Variants in DDIT4 observed in about 807,000 individuals in gnomAD.
The protein encoded by DDIT4 is DNA damage inducible transcript 4, also known as DNA damage-inducible transcript 4 protein.
In DDIT4, 20 loss-of-function variants were observed where a neutral mutation model predicts 20.2. That is an observed-to-expected ratio of 0.99 (90% CI 0.70 to 1.44). The LOEUF (loss-of-function observed/expected upper bound fraction) is 1.44. Ranked by LOEUF, DDIT4 falls within the 40% of genes most tolerant of loss-of-function variation. The pLI, the probability that DDIT4 is intolerant of heterozygous loss-of-function variation, is 0.00. For synonymous variants in DDIT4, 152 were observed against 144.6 expected, an observed-to-expected ratio of 1.05 and a Z score of -0.37; for missense variants, 316 against 298.1, an observed-to-expected ratio of 1.06 and a Z score of -0.44.
rs1209745769 is a variant in DDIT4, at chr10:72,273,937, G to A, written c.-184G>A. 1 of 517,250 alleles carries A rather than the reference G, an allele frequency of 1.9e-6. No individual in the cohort carries two copies. Among genetic ancestry groups the A allele is most frequent in the Non-Finnish European group, 3.5e-6 (1 of 286,780 alleles). 32.0% of individuals were successfully genotyped at this position (517,250 alleles called of 1,614,324 possible). ...TGGTGCTAGGGCGCAGCAGGCCAAG[G>A]GGGAGGTGCGAGCGTGGACCTGGGA... On this transcript the variant is annotated 5_prime_UTR_variant, in exon 1 of 3. Transcript: ENST00000307365.
Position 72,274,154 on chromosome 10 carries a change from C to CA in DDIT4, c.-60-2dup. 7.4e-7 allele frequency: 1 copy of CA among 1,354,488 alleles called. No homozygotes were observed. The highest frequency in any genetic ancestry group is 1.2e-5 in the South Asian group (1 of 86,034). The allele number at this position is 1,354,488 out of a possible 1,614,324, so 83.9% of individuals were successfully genotyped here. A position where few individuals can be genotyped will look rare whatever the true frequency, so the allele number is the denominator to read the frequency against. ...CCTGGTCGGTCCCCCTCTTGTCTTA[C>CA]AGCGGCTTCTACGCTCCGGCACTCT... On this transcript the variant is annotated splice_region_variant and splice_polypyrimidine_tract_variant and intron_variant, in intron 1 of 2. Coordinates refer to ENST00000307365, the MANE Select transcript of DDIT4 (RefSeq NM_019058.4).
At position 72,274,809 on chromosome 10, in the gene DDIT4, C is replaced by T. The variant is rs781066558; in HGVS notation, c.320C>T (p.Ala107Val). Residue 107 changes from alanine (A) to valine (V), a missense_variant, in exon 3 of 3, where the codon GCG (alanine) becomes GTG (valine). By Grantham distance (64) the Ala-to-Val change is moderately conservative (BLOSUM62 0). Transcript: ENST00000307365. ...CTGCTGCAGGAGAGCCTGGCCCAGG[C>T]GCGGCTGGGCTCTCGACGCCCTGCG... is the stretch of plus-strand genomic sequence containing the variant. ...MQLLQESLAQ[A>V]RLGSRRPARL... The T allele has an allele frequency of 1.1e-5, 18 of 1,613,684 alleles. No homozygotes were observed. In the South Asian group the frequency reaches 1.8e-4, roughly 16 times the overall value.
chr10:72,274,235 C>G lies in DDIT4; in HGVS notation c.19C>G (p.Arg7Gly). 2 of 1,613,654 alleles carry G rather than the reference C, an allele frequency of 1.2e-6. No homozygotes were observed. Among genetic ancestry groups the G allele is most frequent in the Non-Finnish European group, 1.7e-6 (2 of 1,179,822 alleles). The change falls in exon 2 of 3, where the codon CGC (arginine) becomes GGC (glycine). Residue 7 changes from arginine to glycine, a missense_variant. Transcript: ENST00000307365. MPSLWDRFSSSSTSSSP... is the reference protein window; with the variant it reads MPSLWDGFSSSSTSSSP... ...CCTCACCATGCCTAGCCTTTGGGAC[C>G]GCTTCTCGTCGTCGTCCACCTCCTC...
rs1159803783 is a variant in DDIT4 at position 72,274,144 on chromosome 10, T to G, written c.-60-13T>G. 1 of 1,264,344 alleles carries G rather than the reference T, an allele frequency of 7.9e-7. No individual in the cohort carries two copies. Among genetic ancestry groups the G allele is most frequent in the African/African-American group, 1.5e-5 (1 of 68,118 alleles). The allele number at this position is 1,264,344 out of a possible 1,614,324, so 78.3% of individuals were successfully genotyped here. A position where few individuals can be genotyped will look rare whatever the true frequency, so the allele number is the denominator to read the frequency against. On this transcript the variant is annotated splice_polypyrimidine_tract_variant and intron_variant, in intron 1 of 2. Transcript: ENST00000307365. ...CAGACTGACGCCTGGTCGGTCCCCC[T>G]CTTGTCTTACAGCGGCTTCTACGCT...
Position 72,274,150 on chromosome 10 carries a change from C to T in DDIT4, c.-60-7C>T, listed in dbSNP as rs976422003. On this transcript the variant is annotated splice_region_variant and splice_polypyrimidine_tract_variant and intron_variant, in intron 1 of 2. Coordinates refer to ENST00000307365, the MANE Select transcript of DDIT4 (RefSeq NM_019058.4). Reference sequence around the variant, plus strand: ...GACGCCTGGTCGGTCCCCCTCTTGTCTTACAGCGGCTTCTACGCTCCGGCA... The same window carrying T: ...GACGCCTGGTCGGTCCCCCTCTTGTTTTACAGCGGCTTCTACGCTCCGGCA... The T allele has an allele frequency of 3.8e-6, 5 of 1,328,860 alleles. No individual in the cohort carries two copies. Among genetic ancestry groups the T allele is most frequent in the Middle Eastern group, 1.8e-4 (1 of 5,560 alleles). The allele number at this position is 1,328,860 out of a possible 1,614,324, so 82.3% of individuals were successfully genotyped here.
chr10:72,274,787 C>G lies in DDIT4; in HGVS notation c.298C>G (p.Leu100Val). 1 of 1,614,032 alleles carries G rather than the reference C, an allele frequency of 6.2e-7. No homozygotes were observed. Among genetic ancestry groups the G allele is most frequent in the Non-Finnish European group, 8.5e-7 (1 of 1,180,054 alleles). The change falls in exon 3 of 3, where the codon CTG becomes GTG. Residue 100 changes from leucine (L) to valine (V), a missense_variant. Coordinates refer to ENST00000307365, the MANE Select transcript of DDIT4 (RefSeq NM_019058.4). ...EHLCANLMQLLQESLAQARLG... is the reference protein window; with the variant it reads ...EHLCANLMQLVQESLAQARLG... ...CTTGTGTGCCAACCTGATGCAGCTG[C>G]TGCAGGAGAGCCTGGCCCAGGCGCG...
Position 72,274,015 on chromosome 10 carries a change from G to A in DDIT4, c.-106G>A. 1 of 599,804 alleles carries A rather than the reference G, an allele frequency of 1.7e-6. No homozygotes were observed. Among genetic ancestry groups the A allele is most frequent in the East Asian group, 2.8e-5 (1 of 35,506 alleles). 37.2% of individuals were successfully genotyped at this position (599,804 alleles called of 1,614,324 possible). A position where few individuals can be genotyped will look rare whatever the true frequency, so the allele number is the denominator to read the frequency against. ...CACGGGTTCGCACACCCATTCAAGC[G>A]GCAGGACGCACTTGTCTTAGCAGTT... On this transcript the variant is annotated 5_prime_UTR_variant, in exon 1 of 3. Transcript: ENST00000307365.
Position 72,273,949 on chromosome 10 carries a change from G to C in DDIT4, c.-172G>C, listed in dbSNP as rs574234820. On this transcript the variant is annotated 5_prime_UTR_variant, in exon 1 of 3. Transcript: ENST00000307365. Reference sequence around the variant, plus strand: ...GCAGCAGGCCAAGGGGGAGGTGCGAGCGTGGACCTGGGACGGGTCTGGGCG... The same window carrying C: ...GCAGCAGGCCAAGGGGGAGGTGCGACCGTGGACCTGGGACGGGTCTGGGCG... 1.9e-6 allele frequency: 1 copy of C among 531,628 alleles called. No homozygotes were observed. Among genetic ancestry groups the C allele is most frequent in the East Asian group, 3.4e-5 (1 of 29,304 alleles). 32.9% of individuals were successfully genotyped at this position (531,628 alleles called of 1,614,324 possible). A position where few individuals can be genotyped will look rare whatever the true frequency, so the allele number is the denominator to read the frequency against.
In DDIT4 at chr10:72,275,648, G is replaced by A; in HGVS notation, c.*460G>A. On this transcript the variant is annotated 3_prime_UTR_variant, in exon 3 of 3. Coordinates refer to ENST00000307365, the MANE Select transcript of DDIT4 (RefSeq NM_019058.4). ...TATCTTACTGGTCTGAAGGGACCAA[G>A]TGTGTTTGTTGTTTGTTTTGTATCT... The A allele has an allele frequency of 5.9e-6, 1 of 168,070 alleles. No individual in the cohort carries two copies. Among genetic ancestry groups the A allele is most frequent in the Non-Finnish European group, 1.3e-5 (1 of 76,746 alleles). 10.4% of individuals were successfully genotyped at this position (168,070 alleles called of 1,614,324 possible). A position where few individuals can be genotyped will look rare whatever the true frequency, so the allele number is the denominator to read the frequency against.
In DDIT4 at chr10:72,274,175, ACT is replaced by A; in HGVS notation, c.-39_-38del. Reference sequence around the variant, plus strand: ...CTTACAGCGGCTTCTACGCTCCGGCACTCTGAGTTCATCAGCAAACGCCCTGG... The same window carrying A: ...CTTACAGCGGCTTCTACGCTCCGGCACTGAGTTCATCAGCAAACGCCCTGG... On this transcript the variant is annotated 5_prime_UTR_variant, in exon 2 of 3. Coordinates refer to ENST00000307365, the MANE Select transcript of DDIT4 (RefSeq NM_019058.4). The A allele has an allele frequency of 6.6e-7, 1 of 1,505,746 alleles. No homozygotes were observed. Among genetic ancestry groups the A allele is most frequent in the South Asian group, 1.1e-5 (1 of 88,984 alleles). The allele number at this position is 1,505,746 out of a possible 1,614,324, so 93.3% of individuals were successfully genotyped here.
Position 72,274,748 on chromosome 10 carries a change from C to G in DDIT4, c.259C>G (p.Pro87Ala). The change falls in exon 3 of 3, where the codon CCT (proline) becomes GCT (alanine). Residue 87 changes from proline to alanine, a missense_variant. Pro to Ala is a conservative substitution (Grantham distance 27). Coordinates refer to ENST00000307365, the MANE Select transcript of DDIT4 (RefSeq NM_019058.4). ...GCCCGACTTCGAGCTGCTCAGTGAC[C>G]CTGAGGATGAACACTTGTGTGCCAA... ...SLPDFELLSDPEDEHLCANLM... is the reference protein window; with the variant it reads ...SLPDFELLSDAEDEHLCANLM... 1.2e-6 allele frequency: 2 copies of G among 1,614,040 alleles called. No individual in the cohort carries two copies. Among genetic ancestry groups the G allele is most frequent in the Non-Finnish European group, 1.7e-6 (2 of 1,179,976 alleles).
Position 72,274,000 on chromosome 10 carries a change from C to CCGTATCATTAAAA in DDIT4, c.-121_-120insCGTATCATTAAAA. ...GCTCTCGGTGGTTGGCACGGGTTCG[C>CCGTATCATTAAAA]ACACCCATTCAAGCGGCAGGACGCA... On this transcript the variant is annotated 5_prime_UTR_variant, in exon 1 of 3. Transcript: ENST00000307365. 4.2e-6 allele frequency: 2 copies of CCGTATCATTAAAA among 479,094 alleles called. No individual in the cohort carries two copies. The highest frequency in any genetic ancestry group is 3.1e-5 in the South Asian group (1 of 31,792). The allele number at this position is 479,094 out of a possible 1,614,324, so 29.7% of individuals were successfully genotyped here.
chr10:72,274,517 C>T (rs989153533), intron 2 of DDIT4, 96 bp downstream of exon 2: 43 of 1,417,472 alleles, frequency 3.0e-5, no homozygotes, highest in Non-Finnish European at 4.0e-5. Flanking sequence ...GCTTCCTATC[C>T]CATCGGGACC....
In DDIT4 at chr10:72,275,617, T is replaced by C. The variant is rs553357444; in HGVS notation, c.*429T>C. ...GGGAGGTCGGAGGTCGTGGAGGTGG[T>C]TTGTGTATCTTACTGGTCTGAAGGG... is the stretch of plus-strand genomic sequence containing the variant. On this transcript the variant is annotated 3_prime_UTR_variant, in exon 3 of 3. Transcript: ENST00000307365. The C allele has an allele frequency of 1.0e-5, 2 of 191,846 alleles. No homozygotes were observed. The highest frequency in any genetic ancestry group is 1.8e-4 in the South Asian group (2 of 11,264). 11.9% of individuals were successfully genotyped at this position (191,846 alleles called of 1,614,324 possible). A position where few individuals can be genotyped will look rare whatever the true frequency, so the allele number is the denominator to read the frequency against.
rs1462054861 is a variant in DDIT4, at chr10:72,274,026, C to G, written c.-95C>G. Reference sequence around the variant, plus strand: ...ACACCCATTCAAGCGGCAGGACGCACTTGTCTTAGCAGTTCTCGCTGACCG... The same window carrying G: ...ACACCCATTCAAGCGGCAGGACGCAGTTGTCTTAGCAGTTCTCGCTGACCG... On this transcript the variant is annotated 5_prime_UTR_variant, in exon 1 of 3. Transcript: ENST00000307365. The G allele has an allele frequency of 3.3e-6, 2 of 601,900 alleles. No homozygotes were observed. The highest frequency in any genetic ancestry group is 6.0e-6 in the Non-Finnish European group (2 of 335,444). The allele number at this position is 601,900 out of a possible 1,614,324, so 37.3% of individuals were successfully genotyped here.
At position 72,275,570 on chromosome 10, in the gene DDIT4, C is replaced by G; in HGVS notation, c.*382C>G. On this transcript the variant is annotated 3_prime_UTR_variant, in exon 3 of 3. Coordinates refer to ENST00000307365, the MANE Select transcript of DDIT4 (RefSeq NM_019058.4). ...AGGGTGAAGGAAGAGGCACGTGCTC[C>G]TCAGAGCAGCCGGAGGGAGGGGGGA... 4.7e-6 allele frequency: 1 copy of G among 210,734 alleles called. No homozygotes were observed. Among genetic ancestry groups the G allele is most frequent in the Non-Finnish European group, 9.8e-6 (1 of 102,534 alleles). The allele number at this position is 210,734 out of a possible 1,614,324, so 13.1% of individuals were successfully genotyped here.
Position 72,274,308 on chromosome 10 carries a change from G to T in DDIT4, c.92G>T (p.Arg31Leu). Residue 31 changes from arginine to leucine, a missense_variant, in exon 2 of 3, where the codon CGC becomes CTC. Arg to Leu is a moderately radical substitution (Grantham distance 102). Transcript: ENST00000307365. ...PRTPTPDRPP[R>L]SAWGSATREE... ...ACTCCCACCCCAGATCGGCCGCCGC[G>T]CTCAGCCTGGGGGTCGGCGACCCGG... The T allele has an allele frequency of 6.2e-7, 1 of 1,613,026 alleles. No individual in the cohort carries two copies. Among genetic ancestry groups the T allele is most frequent in the Non-Finnish European group, 8.5e-7 (1 of 1,179,974 alleles).
At position 72,274,339 on chromosome 10, in the gene DDIT4, G is replaced by A; in HGVS notation, c.123G>A (p.Glu41=). 2.5e-6 allele frequency: 4 copies of A among 1,611,906 alleles called. No homozygotes were observed. The highest frequency in any genetic ancestry group is 3.4e-6 in the Non-Finnish European group (4 of 1,179,926). ...CCTGGGGGTCGGCGACCCGGGAGGAGGGGTTTGACCGCTCCACGAGCCTGG... is the reference window on the plus strand; with the variant it reads ...CCTGGGGGTCGGCGACCCGGGAGGAAGGGTTTGACCGCTCCACGAGCCTGG... The part of the protein sequence containing the change: ...RSAWGSATRE[E]GFDRSTSLES... Residue 41 remains glutamate (E), a synonymous_variant, in exon 2 of 3, where the codon GAG becomes GAA. Transcript: ENST00000307365.
At position 72,274,147 on chromosome 10, in the gene DDIT4, T is replaced by G; in HGVS notation, c.-60-10T>G. Reference sequence around the variant, plus strand: ...ACTGACGCCTGGTCGGTCCCCCTCTTGTCTTACAGCGGCTTCTACGCTCCG... The same window carrying G: ...ACTGACGCCTGGTCGGTCCCCCTCTGGTCTTACAGCGGCTTCTACGCTCCG... On this transcript the variant is annotated splice_polypyrimidine_tract_variant and intron_variant, in intron 1 of 2. Transcript: ENST00000307365. 1 of 1,292,248 alleles carries G rather than the reference T, an allele frequency of 7.7e-7. No homozygotes were observed. Among genetic ancestry groups the G allele is most frequent in the Non-Finnish European group, 1.1e-6 (1 of 892,004 alleles). 80.0% of individuals were successfully genotyped at this position (1,292,248 alleles called of 1,614,324 possible).
Sources: gnomAD v4.1 joint callset for allele counts on GRCh38, gnomAD v4.1.1 for gene constraint, MANE v1.5 for transcripts, NCBI Gene and HGNC (gene_info 2026-07-23, HGNC 2026-07-21) for gene names.